The following DPH6 variants were observed in gnomAD, a reference collection of about 807,000 sequenced individuals.
DPH6 encodes diphthine--ammonia ligase.
DPH6 carries 33 observed loss-of-function variants against 38.2 expected under a neutral mutation model. That is an observed-to-expected ratio of 0.86 (90% confidence interval 0.65 to 1.15). The LOEUF is 1.15. Among genes scored for constraint, DPH6 ranks in the 50% most tolerant of loss-of-function variants. The probability of loss-of-function intolerance (pLI) is 0.00; values close to 1 mark genes in which losing one functional copy is unlikely to be tolerated. For missense variants in DPH6, 325 were observed against 320.0 expected, an observed-to-expected ratio of 1.02 and a Z score of -0.12; for synonymous variants, 108 against 103.0, an observed-to-expected ratio of 1.05 and a Z score of -0.30.
chr15:35,382,952 TCTC>T (rs1419572814), intron 6 of DPH6, among the ~76,000 whole-genome samples: 1 of 151,924 alleles, frequency 6.6e-6, no homozygotes, highest in Non-Finnish European at 1.5e-5. Context: ...AGTAAAAAAA[TCTC>T]CTATCTGGTT....
chr15:35,494,913 C>G (rs1355035813), intron 3 of DPH6, among the ~76,000 whole-genome samples: 1 of 151,938 alleles, frequency 6.6e-6, no homozygotes, highest in Non-Finnish European at 1.5e-5. Flanking sequence ...GGCTTTCACC[C>G]TAAAATCAGG....
chr15:35,150,711 T>C, the DPH6 span, among the ~76,000 whole-genome samples: 4 of 152,188 alleles, frequency 2.6e-5, no homozygotes, highest in African/African-American at 7.2e-5. Context: ...ATCATATTCA[T>C]GCAAAGTAAT....
intron 3 of DPH6, among the ~76,000 whole-genome samples, chr15:35,358,021 T>A (rs2140902604): frequency 6.6e-6 from 1 of 152,318 alleles, no homozygotes; most frequent in Non-Finnish European, 1.5e-5. Flanking sequence ...GAACACGAAT[T>A]ATTCTTAGGT....
At chr15:35,516,495 TAACTA>T (rs2054849877) in intron 3 of DPH6, among the ~76,000 whole-genome samples, 1 of 152,122 alleles carries the variant, frequency 6.6e-6, no homozygotes, top group Admixed American at 6.6e-5. Context: ...ATAGAGAAGT[TAACTA>T]AACTAAGATC....
chr15:35,211,118 A>G, the DPH6 span, among the ~76,000 whole-genome samples: 1 of 151,954 alleles, frequency 6.6e-6, no homozygotes, highest in Non-Finnish European at 1.5e-5. Flanking sequence ...TCTGGTTTTC[A>G]TAAAAATTCT....
chr15:35,506,183 CTAAT>C (rs2054691540), intron 3 of DPH6, among the ~76,000 whole-genome samples: 2 of 151,880 alleles, frequency 1.3e-5, no homozygotes, highest in Admixed American at 1.3e-4. Flanking sequence ...TGAATTAAAA[CTAAT>C]TAATTAAAAA....
intron 3 of DPH6, among the ~76,000 whole-genome samples, chr15:35,285,160 A>T (rs1050889424): frequency 5.3e-5 from 8 of 151,822 alleles, no homozygotes; most frequent in Non-Finnish European, 1.5e-5. Context: ...TGGTCGGGAT[A>T]AAAAAAATTG....
the DPH6 span, among the ~76,000 whole-genome samples, chr15:35,148,143 C>T: frequency 6.6e-6 from 1 of 152,136 alleles, no homozygotes; most frequent in Non-Finnish European, 1.5e-5. Context: ...AGACCAATGG[C>T]ACCTCAGGAT....
intron 3 of DPH6, among the ~76,000 whole-genome samples, chr15:35,284,155 T>C (rs1223036223): frequency 6.6e-6 from 1 of 152,342 alleles, no homozygotes; most frequent in Non-Finnish European, 1.5e-5. Flanking sequence ...TTTTGTCATC[T>C]ATCCTCACTC....
chr15:35,181,098 C>G, the DPH6 span, among the ~76,000 whole-genome samples: 1 of 152,108 alleles, frequency 6.6e-6, no homozygotes, highest in Non-Finnish European at 1.5e-5. Context: ...TGGCTTTGAG[C>G]TCTTAGGGCA....
Position 35,305,083 on chromosome 15 carries a change from T to C in DPH6, n.200+68438A>G, listed in dbSNP as rs944361271. Among the ~76,000 whole-genome samples the C allele has an allele frequency of 4.6e-5, 7 of 152,154 alleles. No individual in the cohort carries two copies. In the East Asian group the frequency reaches 1.3e-3, roughly 29 times the overall value. ...GGAATTTTTACATGACCAACTCATA[T>C]ACTCATTAAAGGTACTGAGATATCC... On this transcript the variant is annotated intron_variant and non_coding_transcript_variant, in intron 3 of 3. Transcript: ENST00000560386.
rs755677220 is a variant in DPH6, at chr15:35,450,684, C to T, written c.505+1G>A. On this transcript the variant is annotated splice_donor_variant, in intron 5 of 8. Transcript: ENST00000256538. LOFTEE classifies it high-confidence loss of function. ...GCTCCCTTGATAGTTTGGCTGCATA[C>T]CCAAAGCTGCTACTTTGATGATCAT... 9 of 1,611,158 alleles carry T rather than the reference C, an allele frequency of 5.6e-6. No individual in the cohort carries two copies. The highest frequency in any genetic ancestry group is 4.5e-5 in the East Asian group (2 of 44,728).
chr15:35,368,692 T>C (rs943847944), downstream of DPH6, among the ~76,000 whole-genome samples: 10 of 151,924 alleles, frequency 6.6e-5, no homozygotes, highest in Non-Finnish European at 1.5e-4. Flanking sequence ...TAAGAGATGA[T>C]TCCAACATTC....
chr15:35,243,429 G>C (rs1352651660), intron 3 of DPH6, among the ~76,000 whole-genome samples: 11 of 142,446 alleles, frequency 7.7e-5, no homozygotes, highest in South Asian at 2.4e-4. Flanking sequence ...CCCAAGCCAA[G>C]CCATTGCATC....
chr15:35,301,124 T>C (rs1039792676), intron 3 of DPH6, among the ~76,000 whole-genome samples: 9 of 152,352 alleles, frequency 5.9e-5, no homozygotes, highest in African/African-American at 1.9e-4. Flanking sequence ...TTATTTTACA[T>C]AGTACTATGT....
intron 3 of DPH6, among the ~76,000 whole-genome samples, chr15:35,273,246 C>T (rs2051835047): frequency 6.6e-6 from 1 of 152,112 alleles, no homozygotes; most frequent in Non-Finnish European, 1.5e-5. Context: ...GTGCACCCAT[C>T]ACCCGACCAG....
intron 3 of DPH6, among the ~76,000 whole-genome samples, chr15:35,324,537 C>T (rs991560829): frequency 6.6e-6 from 1 of 152,128 alleles, no homozygotes. Flanking sequence ...CGACTTCTAA[C>T]ATTTCCTCTC....
the DPH6 span, among the ~76,000 whole-genome samples, chr15:35,201,106 C>A: frequency 3.1e-3 from 449 of 146,658 alleles, 4 homozygotes; most frequent in South Asian, 7.2e-3. Flanking sequence ...TAAATATTTT[C>A]ATATTTTTTC....
intron 3 of DPH6, among the ~76,000 whole-genome samples, chr15:35,221,020 A>G (rs920128702): frequency 3.3e-5 from 5 of 152,252 alleles, no homozygotes; most frequent in Admixed American, 1.3e-4. Context: ...TGTGAAATCA[A>G]AACATGCTAC....
Sources: gnomAD v4.1 joint callset for allele counts (sites outside exome capture counted in the v4.1 genomes callset) on GRCh38, gnomAD v4.1.1 for gene constraint, MANE v1.5 for transcripts, NCBI Gene and HGNC (gene_info 2026-07-23, HGNC 2026-07-21) for gene names.